The following ADGRG5 variants were observed in gnomAD, a reference collection of about 807,000 sequenced individuals.
ADGRG5 encodes adhesion G protein-coupled receptor G5.
In ADGRG5, 37 loss-of-function variants were observed where a neutral mutation model predicts 53.2. The observed-to-expected ratio is 0.70, with a 90% confidence interval of 0.53 to 0.91. The LOEUF is 0.91. Among genes scored for constraint, ADGRG5 ranks in the 40% least tolerant of loss-of-function variants. The probability of loss-of-function intolerance (pLI) is 0.00; values close to 1 mark genes in which losing one functional copy is unlikely to be tolerated. For missense variants in ADGRG5, 614 were observed against 675.8 expected (o/e 0.91, Z 1.01); for synonymous variants, 277 against 290.4 (o/e 0.95, Z 0.47).
In ADGRG5 at chr16:57,565,054, G is replaced by A; in HGVS notation, c.450G>A (p.Leu150=). 1 of 1,613,270 alleles carries A rather than the reference G, an allele frequency of 6.2e-7. No individual in the cohort carries two copies. The highest frequency in any genetic ancestry group is 1.1e-5 in the South Asian group (1 of 91,048). The change falls in exon 6 of 12, where the codon CTG becomes CTA. Residue 150 remains leucine (L), a synonymous_variant. Coordinates refer to ENST00000349457, the MANE Select transcript of ADGRG5 (RefSeq NM_001304376.3). ...HFFKDENNSS[L]LNNYVLGAQL... ...TCCAGGATGAAAACAACTCATCTCT[G>A]CTGAATAACTACGTCCTGGGGGCCC...
Position 57,568,070 on chromosome 16 carries a change from G to A in ADGRG5, c.1036G>A (p.Val346Ile), listed in dbSNP as rs140917718. 1 of 1,613,878 alleles carries A rather than the reference G, an allele frequency of 6.2e-7. No homozygotes were observed. Among genetic ancestry groups the A allele is most frequent in the African/African-American group, 1.3e-5 (1 of 74,878 alleles). ...CAACCTCTACCTCCTCCTCGGGCGT[G>A]TCTACAACATCTACATCCGCAGATA... ...GFNLYLLLGR[V>I]YNIYIRRYVF... Residue 346 changes from valine to isoleucine, a missense_variant, in exon 9 of 12, where the codon GTC becomes ATC. Val to Ile is a conservative substitution (Grantham distance 29). Coordinates refer to ENST00000349457, the MANE Select transcript of ADGRG5 (RefSeq NM_001304376.3).
Position 57,575,625 on chromosome 16 carries a change from G to A in ADGRG5, c.*87G>A, listed in dbSNP as rs1323566432. 2.8e-6 allele frequency: 3 copies of A among 1,077,330 alleles called. No homozygotes were observed. Among genetic ancestry groups the A allele is most frequent in the South Asian group, 1.3e-5 (1 of 76,820 alleles). 66.7% of individuals were successfully genotyped at this position (1,077,330 alleles called of 1,614,324 possible). A position where few individuals can be genotyped will look rare whatever the true frequency, so the allele number is the denominator to read the frequency against. On this transcript the variant is annotated 3_prime_UTR_variant, in exon 12 of 12. Coordinates refer to ENST00000349457, the MANE Select transcript of ADGRG5 (RefSeq NM_001304376.3). ...TCCTGCTAGAGAGGGTGGCAGGCCTGCTGCTGGACCCCAGAGGCCACTGTG... is the reference window on the plus strand; with the variant it reads ...TCCTGCTAGAGAGGGTGGCAGGCCTACTGCTGGACCCCAGAGGCCACTGTG...
At chr16:57,550,640 G>A (rs1224981581) in intron 1 of ADGRG5, among the ~76,000 whole-genome samples, 1 of 152,088 alleles carries the variant, frequency 6.6e-6, no homozygotes, top group Non-Finnish European at 1.5e-5. Flanking sequence ...GGCATATCTT[G>A]GAGATATTGT....
At position 57,563,927 on chromosome 16, in the gene ADGRG5, C is replaced by T. The variant is rs150062848; in HGVS notation, c.377C>T (p.Pro126Leu). Residue 126 changes from proline to leucine, a missense_variant, in exon 5 of 12, where the codon CCC (proline) becomes CTC (leucine). By Grantham distance (98) the Pro-to-Leu change is moderately conservative. Coordinates refer to ENST00000349457, the MANE Select transcript of ADGRG5 (RefSeq NM_001304376.3). ...ACCCGGGACGCCTGCAAGACCCGCC[C>T]CAGGGAGCTGCGGCTCATCTGTATC... ...ELTRDACKTR[P>L]RELRLICIYF... 64 of 1,613,996 alleles carry T rather than the reference C, an allele frequency of 4.0e-5. No homozygotes were observed. The highest frequency in any genetic ancestry group is 5.2e-5 in the Non-Finnish European group (61 of 1,179,986).
Position 57,574,983 on chromosome 16 carries a change from G to T in ADGRG5, c.1377G>T (p.Val459=). The change falls in exon 11 of 12, where the codon GTG becomes GTT. Residue 459 remains valine, a synonymous_variant. Coordinates refer to ENST00000349457, the MANE Select transcript of ADGRG5 (RefSeq NM_001304376.3). This position sits in a 1 kb window ranked among gnomAD's most constrained non-coding sequence, Gnocchi z 4.4. ...SVRACHDTVT[V]LGLTVLLGTT... ...GGGCCTGCCATGACACTGTCACTGTGCTGGGCCTCACCGTGCTGCTGGGAA... is the reference window on the plus strand; with the variant it reads ...GGGCCTGCCATGACACTGTCACTGTTCTGGGCCTCACCGTGCTGCTGGGAA... 6.2e-7 allele frequency: 1 copy of T among 1,613,922 alleles called. No individual in the cohort carries two copies. Among genetic ancestry groups the T allele is most frequent in the Non-Finnish European group, 8.5e-7 (1 of 1,180,020 alleles).
At chr16:57,568,524 C>T (rs1394971065) in intron 9 of ADGRG5, among the ~76,000 whole-genome samples, 1 of 151,520 alleles carries the variant, frequency 6.6e-6, no homozygotes, top group Non-Finnish European at 1.5e-5. Context: ...TCACCTCCTC[C>T]ACGTACATCA....
chr16:57,569,317 T>A (rs867214127), intron 9 of ADGRG5, among the ~76,000 whole-genome samples: 1 of 138,224 alleles, frequency 7.2e-6, no homozygotes, highest in African/African-American at 2.8e-5. Flanking sequence ...CACCTCCACC[T>A]CCATCATCTC....
the ADGRG5 span, among the ~76,000 whole-genome samples, chr16:57,529,490 GCCT>G: frequency 6.6e-6 from 1 of 152,314 alleles, no homozygotes; most frequent in Admixed American, 6.5e-5. The surrounding 1 kb of genome is among the most constrained non-coding windows in gnomAD (Gnocchi z 4.1). Context: ...GCCCGCAAAG[GCCT>G]CCTCAGTGGC....
the ADGRG5 span, chr16:57,529,267 T>C: frequency 4.5e-6 from 5 of 1,118,032 alleles, no homozygotes; most frequent in Non-Finnish European, 5.5e-6. This position sits in a 1 kb window ranked among gnomAD's most constrained non-coding sequence, Gnocchi z 4.1. Flanking sequence ...CAACTGTGCA[T>C]GATGACGCCG....
the ADGRG5 span, among the ~76,000 whole-genome samples, chr16:57,536,870 A>G: frequency 3.5e-4 from 53 of 152,218 alleles, no homozygotes; most frequent in Non-Finnish European, 7.2e-4. Context: ...CTCAGCGCCA[A>G]CTACGTACTA....
At chr16:57,530,268 C>G in the ADGRG5 span, among the ~76,000 whole-genome samples, 1 of 152,188 alleles carries the variant, frequency 6.6e-6, no homozygotes, top group Non-Finnish European at 1.5e-5. Flanking sequence ...CTGGGCTCTG[C>G]CATTTATGGG....
chr16:57,564,089 A>G, intron 5 of ADGRG5, 110 bp downstream of exon 5: 1 of 1,221,368 alleles, frequency 8.2e-7, no homozygotes, highest in East Asian at 2.4e-5. Flanking sequence ...GAGTGAGACC[A>G]ACCAGCCATC....
intron 6 of ADGRG5, 72 bp from the exon 7 acceptor site, chr16:57,566,527 C>T (rs1390656921): frequency 1.5e-6 from 2 of 1,293,806 alleles, no homozygotes; most frequent in Non-Finnish European, 1.0e-6. Context: ...CACCGTTGGC[C>T]CCCAGGACTC....
At chr16:57,566,269 G>A (rs1411451724) in intron 6 of ADGRG5, 6 of 227,782 alleles carry the variant, frequency 2.6e-5, no homozygotes, top group Non-Finnish European at 5.1e-5. Context: ...GTTATGGAGC[G>A]CCTACTGTAT....
intron 1 of ADGRG5, among the ~76,000 whole-genome samples, chr16:57,548,116 C>A (rs1052300681): frequency 6.6e-6 from 1 of 151,320 alleles, no homozygotes; most frequent in Non-Finnish European, 1.5e-5. Flanking sequence ...TGGCCTCAAG[C>A]GATTCTCCTG....
chr16:57,549,754 T>C (rs1301919059), intron 1 of ADGRG5, among the ~76,000 whole-genome samples: 1 of 152,232 alleles, frequency 6.6e-6, no homozygotes, highest in Non-Finnish European at 1.5e-5. Context: ...ACTGATTTGT[T>C]CTCTGATCCA....
chr16:57,540,712 G>A (rs1232994732), upstream of ADGRG5, among the ~76,000 whole-genome samples: 4 of 152,182 alleles, frequency 2.6e-5, no homozygotes, highest in African/African-American at 9.6e-5. Flanking sequence ...AATATGGCAA[G>A]CACAATCAGA....
intron 1 of ADGRG5, among the ~76,000 whole-genome samples, chr16:57,553,723 G>A (rs936912325): frequency 6.6e-6 from 1 of 152,144 alleles, no homozygotes; most frequent in Non-Finnish European, 1.5e-5. Flanking sequence ...AAAATATCCT[G>A]TAGTGATTTT....
chr16:57,539,901 T>C (rs183534542), upstream of ADGRG5, among the ~76,000 whole-genome samples: 4 of 151,486 alleles, frequency 2.6e-5, no homozygotes, highest in Non-Finnish European at 5.9e-5. Context: ...GATTGAAAAA[T>C]GGGGAAAAAT....
Sources: gnomAD v4.1 joint callset for allele counts (sites outside exome capture counted in the v4.1 genomes callset) on GRCh38, gnomAD v4.1.1 for gene constraint, Gnocchi (gnomAD v3.1) non-coding constraint, MANE v1.5 for transcripts, NCBI Gene and HGNC (gene_info 2026-07-23, HGNC 2026-07-21) for gene names.